ULK4: variants seen among roughly 807,000 people sequenced by gnomAD.
ULK4 encodes inactive serine/threonine-protein kinase ULK4.
In ULK4, 133 loss-of-function variants were observed where a neutral mutation model predicts 160.6. That is an observed-to-expected ratio of 0.83 (90% CI 0.72 to 0.96). The LOEUF (loss-of-function observed/expected upper bound fraction) is 0.96. Among genes scored for constraint, ULK4 ranks in the 40% least tolerant of loss-of-function variants. ULK4 has a pLI of 0.00. For missense variants in ULK4, 1,580 were observed against 1,499.5 expected (o/e 1.05, Z -0.89); for synonymous variants, 534 against 539.8 (o/e 0.99, Z 0.15).
intron 35 of ULK4, among the ~76,000 whole-genome samples, chr3:41,275,067 C>A (rs2079206403): frequency 6.6e-6 from 1 of 152,184 alleles, no homozygotes; most frequent in South Asian, 2.1e-4. Flanking sequence ...GGTTGTCCCA[C>A]AATCCTCATG....
At chr3:41,761,156 T>C (rs1313299398) in intron 21 of ULK4, among the ~76,000 whole-genome samples, 2 of 152,112 alleles carry the variant, frequency 1.3e-5, no homozygotes, top group African/African-American at 2.4e-5. Flanking sequence ...AATTGTTCTG[T>C]ATCTTTCTGG....
In ULK4 at chr3:41,558,457, C is replaced by T. The variant is rs534032012; in HGVS notation, c.3226+7568G>A. ...CAGTGGCTCATGCCTGTAGTCCCAG[C>T]ACTTTGAGAGGCCAAGGTGGCAGAT... On this transcript the variant is annotated intron_variant, in intron 32 of 36. Transcript: ENST00000301831. Among the ~76,000 whole-genome samples the T allele has an allele frequency of 7.9e-5, 12 of 152,206 alleles. 1 individual carries two copies. The East Asian group carries it at 1.5e-3, about 20-fold the overall frequency.
intron 21 of ULK4, among the ~76,000 whole-genome samples, chr3:41,771,864 T>C (rs2039393071): frequency 6.6e-6 from 1 of 152,250 alleles, no homozygotes; most frequent in Non-Finnish European, 1.5e-5. Flanking sequence ...AAAATCCATG[T>C]GACTTTATCA....
rs182172903 is a variant in ULK4 at position 41,758,929 on chromosome 3, C to A, written c.2194-4441G>T. Among the ~76,000 whole-genome samples, 200 of 150,908 alleles carry A rather than the reference C, an allele frequency of 1.3e-3. 5 individuals are homozygous for A. In the East Asian group the frequency reaches 0.035, roughly 26 times the overall value. ...TAATTAATTGATGAAACAAGACAAA[C>A]CACATAGCCATATCAATTACTAATA... is the stretch of plus-strand genomic sequence containing the variant. On this transcript the variant is annotated intron_variant, in intron 21 of 36. Coordinates refer to ENST00000301831, the MANE Select transcript of ULK4 (RefSeq NM_017886.4).
At chr3:41,798,911 C>CTCTTT in intron 20 of ULK4, among the ~76,000 whole-genome samples, 3 of 152,010 alleles carry the variant, frequency 2.0e-5, no homozygotes, top group Non-Finnish European at 4.4e-5. Context: ...AGAGGTTTGT[C>CTCTTT]TCTGAAAAGA....
chr3:41,939,163 C>T (rs978160184), intron 2 of ULK4, among the ~76,000 whole-genome samples: 1 of 146,226 alleles, frequency 6.8e-6, no homozygotes. Flanking sequence ...AATGATTACC[C>T]TTTTTTTTTT....
chr3:41,802,655 T>C (rs1324022251), intron 19 of ULK4, among the ~76,000 whole-genome samples: 3 of 152,162 alleles, frequency 2.0e-5, no homozygotes, highest in African/African-American at 7.2e-5. Context: ...TTATAACATA[T>C]GTAGACATAA....
At chr3:41,485,153 A>G (rs2084479164) in intron 32 of ULK4, among the ~76,000 whole-genome samples, 1 of 152,204 alleles carries the variant, frequency 6.6e-6, no homozygotes. Context: ...AGGTTAAGTA[A>G]CTTTCCCAAG....
At chr3:41,754,582 T>C in intron 21 of ULK4, 94 bp from the exon 22 acceptor site, 1 of 1,176,590 alleles carries the variant, frequency 8.5e-7, no homozygotes, top group Non-Finnish European at 1.1e-6. Flanking sequence ...ATCAAGCAGA[T>C]GGCAGGAAGT....
At chr3:41,302,246 G>A (rs72863439) in intron 35 of ULK4, among the ~76,000 whole-genome samples, 23,614 of 152,158 alleles carry the variant, frequency 0.16, 2,195 homozygotes, top group African/African-American at 0.25. Flanking sequence ...CATTGCCTCT[G>A]ATAATTGCCT....
chr3:41,354,647 C>A (rs2080992485), intron 35 of ULK4, among the ~76,000 whole-genome samples: 1 of 152,126 alleles, frequency 6.6e-6, no homozygotes, highest in African/African-American at 2.4e-5. Context: ...CAAGCAGAAG[C>A]TTGACAGAAG....
chr3:41,479,360 AAAGT>A lies in ULK4; in HGVS notation c.3227-16111_3227-16108del, dbSNP rs559412053. On this transcript the variant is annotated intron_variant, in intron 32 of 36. Coordinates refer to ENST00000301831, the MANE Select transcript of ULK4 (RefSeq NM_017886.4). ...ATGCCAGACTGAAGGAATTACAAAAAAAGTAAGGAATAGTCCCTTCCCTTCACAG... is the reference window on the plus strand; with the variant it reads ...ATGCCAGACTGAAGGAATTACAAAAAAAGGAATAGTCCCTTCCCTTCACAG... Among the ~76,000 whole-genome samples, 512 of 152,338 alleles carry A rather than the reference AAAGT, an allele frequency of 3.4e-3. 3 individuals carry two copies. The highest frequency in any genetic ancestry group is 0.012 in the African/African-American group (493 of 41,564).
At chr3:41,879,477 A>T (rs1281930697) in intron 17 of ULK4, among the ~76,000 whole-genome samples, 1 of 151,910 alleles carries the variant, frequency 6.6e-6, no homozygotes, top group Non-Finnish European at 1.5e-5. Flanking sequence ...ACTTCTATAT[A>T]TGTTGAAATT....
At chr3:41,258,515 C>T (rs1379552772) in intron 35 of ULK4, 2 of 152,188 alleles carry the variant, frequency 1.3e-5, no homozygotes, top group Non-Finnish European at 2.9e-5. Context: ...CCAAAGTTAA[C>T]ATTTTCATTA....
chr3:41,675,900 T>C (rs569627126), intron 29 of ULK4, among the ~76,000 whole-genome samples: 4 of 152,318 alleles, frequency 2.6e-5, no homozygotes, highest in African/African-American at 9.6e-5. Flanking sequence ...TCCTACTGTT[T>C]TAAGATAGTT....
At chr3:41,738,464 T>A (rs2038129643) in intron 22 of ULK4, among the ~76,000 whole-genome samples, 1 of 151,912 alleles carries the variant, frequency 6.6e-6, no homozygotes, top group African/African-American at 2.4e-5. Flanking sequence ...CCTAAAACAC[T>A]CTGCAAAGAT....
intron 32 of ULK4, among the ~76,000 whole-genome samples, chr3:41,473,661 C>CAAAAAA (rs1294599838): frequency 2.0e-4 from 5 of 25,270 alleles, no homozygotes; most frequent in African/African-American, 5.5e-4. Context: ...GATTCTGTCT[C>CAAAAAA]AAAGAAAAAA....
intron 32 of ULK4, among the ~76,000 whole-genome samples, chr3:41,535,033 C>CAGA (rs2086451555): frequency 3.3e-5 from 5 of 151,994 alleles, no homozygotes; most frequent in Non-Finnish European, 1.5e-5. Flanking sequence ...TTGGTTAAGT[C>CAGA]ATTCTAAAAA....
intron 31 of ULK4, among the ~76,000 whole-genome samples, chr3:41,599,952 A>G (rs900156893): frequency 6.6e-6 from 1 of 152,216 alleles, no homozygotes; most frequent in Non-Finnish European, 1.5e-5. Context: ...ATATTGCTTA[A>G]TATCTACAAA....
Sources: gnomAD v4.1 joint callset for allele counts (sites outside exome capture counted in the v4.1 genomes callset) on GRCh38, gnomAD v4.1.1 for gene constraint, MANE v1.5 for transcripts, NCBI Gene and HGNC (gene_info 2026-07-23, HGNC 2026-07-21) for gene names.